Variants in GAP43 observed in about 807,000 individuals in gnomAD.
GAP43 encodes neuromodulin.
GAP43 carries 6 observed loss-of-function variants against 18.6 expected under a neutral mutation model. The ratio of observed to expected loss-of-function variants is 0.32; its 90% CI spans 0.18 to 0.64. The LOEUF is 0.64. Among genes scored for constraint, GAP43 ranks in the 30% least tolerant of loss-of-function variants. GAP43 has a pLI of 0.78. For synonymous variants in GAP43, 115 were observed against 111.4 expected (o/e 1.03, Z -0.20); for missense variants, 292 against 295.5 (o/e 0.99, Z 0.09).
chr3:115,655,180 G>T (rs1172682183), intron 1 of GAP43, among the ~76,000 whole-genome samples: 1 of 152,178 alleles, frequency 6.6e-6, no homozygotes, highest in Non-Finnish European at 1.5e-5. Flanking sequence ...AGGCCAGGTT[G>T]CATCAAGGTG....
At chr3:115,679,758 G>A (rs182388245) in intron 2 of GAP43, among the ~76,000 whole-genome samples, 1 of 152,260 alleles carries the variant, frequency 6.6e-6, no homozygotes, top group East Asian at 1.9e-4. Flanking sequence ...ATTCAGTGAT[G>A]TGGTACAACC....
chr3:115,679,021 C>A (rs1229719363), intron 2 of GAP43, among the ~76,000 whole-genome samples: 2 of 151,790 alleles, frequency 1.3e-5, no homozygotes, highest in Non-Finnish European at 2.9e-5. Context: ...TTCCCAGGTG[C>A]CCTGTACTGC....
At chr3:115,667,523 A>G (rs1708748812) in intron 1 of GAP43, among the ~76,000 whole-genome samples, 1 of 152,242 alleles carries the variant, frequency 6.6e-6, no homozygotes, top group Admixed American at 6.5e-5. Context: ...ATCTTATTGC[A>G]TCTCACATTT....
At chr3:115,634,797 TA>T (rs1344556094) in intron 1 of GAP43, among the ~76,000 whole-genome samples, 3 of 151,572 alleles carry the variant, frequency 2.0e-5, no homozygotes, top group African/African-American at 7.3e-5. Flanking sequence ...AAATAAATAA[TA>T]AAAATTCCCC....
intron 1 of GAP43, chr3:115,663,903 T>C (rs1485664098): frequency 1.3e-6 from 2 of 1,551,946 alleles, no homozygotes; most frequent in African/African-American, 2.7e-5. Flanking sequence ...TTCTTGACTT[T>C]CTGGATTTCA....
chr3:115,637,404 C>T (rs1708343246), intron 1 of GAP43, among the ~76,000 whole-genome samples: 1 of 152,046 alleles, frequency 6.6e-6, no homozygotes, highest in Non-Finnish European at 1.5e-5. Context: ...TGCATTACCT[C>T]TCTGGGACAT....
intron 1 of GAP43, among the ~76,000 whole-genome samples, chr3:115,659,529 T>G (rs1708629992): frequency 6.6e-6 from 1 of 151,932 alleles, no homozygotes; most frequent in African/African-American, 2.4e-5. Flanking sequence ...TGAATGAACA[T>G]TAAACACTAC....
chr3:115,696,321 CT>C (rs569741183), intron 2 of GAP43, among the ~76,000 whole-genome samples: 2 of 152,090 alleles, frequency 1.3e-5, no homozygotes, highest in East Asian at 1.9e-4. Flanking sequence ...AAAATTATTC[CT>C]TTTTTTCTTT....
intron 2 of GAP43, among the ~76,000 whole-genome samples, chr3:115,683,545 C>T (rs909265428): frequency 6.6e-6 from 1 of 152,204 alleles, no homozygotes; most frequent in Admixed American, 6.5e-5. Context: ...GGATGGAAAA[C>T]TATAGCTATA....
chr3:115,657,150 G>T (rs191051484), intron 1 of GAP43, among the ~76,000 whole-genome samples: 2 of 152,234 alleles, frequency 1.3e-5, no homozygotes, highest in African/African-American at 4.8e-5. Context: ...GGCAAAGGTT[G>T]GAAGAAACAT....
intron 2 of GAP43, among the ~76,000 whole-genome samples, chr3:115,698,079 ATAAAATATG>A (rs1709226829): frequency 1.3e-5 from 1 of 77,178 alleles, no homozygotes; most frequent in East Asian, 4.4e-4. Context: ...TATATAATAT[ATAAAATATG>A]TATTATATAT....
intron 2 of GAP43, among the ~76,000 whole-genome samples, chr3:115,698,275 AT>A (rs1709245931): frequency 1.2e-4 from 1 of 8,440 alleles, no homozygotes; most frequent in African/African-American, 3.7e-4. Flanking sequence ...AATATATATT[AT>A]ATATAAATAT....
chr3:115,718,912 T>C lies in GAP43; in HGVS notation c.629-1882T>C, dbSNP rs149960385. Reference sequence around the variant, plus strand: ...GTATAAATGTTCAGCTTCATCTGAATGTAAATATGTAGCTGGCTGATTTAA... The same window carrying C: ...GTATAAATGTTCAGCTTCATCTGAACGTAAATATGTAGCTGGCTGATTTAA... On this transcript the variant is annotated intron_variant, in intron 2 of 2. Transcript: ENST00000305124. 3.1e-3 allele frequency among the ~76,000 whole-genome samples: 476 copies of C among 152,340 alleles called. 1 individual carries two copies. The highest frequency in any genetic ancestry group is 9.7e-3 in the African/African-American group (403 of 41,582).
At chr3:115,706,298 C>T (rs731653) in intron 2 of GAP43, among the ~76,000 whole-genome samples, 1 of 151,946 alleles carries the variant, frequency 6.6e-6, no homozygotes, top group East Asian at 1.9e-4. Context: ...TATGATTAAA[C>T]AAGGGAATTT....
intron 2 of GAP43, among the ~76,000 whole-genome samples, chr3:115,680,072 C>A (rs991799521): frequency 6.6e-6 from 1 of 152,186 alleles, no homozygotes; most frequent in Non-Finnish European, 1.5e-5. Flanking sequence ...CCTTCCCATT[C>A]TGTCTCCTTC....
chr3:115,696,217 C>G (rs1559803572), intron 2 of GAP43, among the ~76,000 whole-genome samples: 3 of 152,124 alleles, frequency 2.0e-5, no homozygotes. Context: ...AACCAAACTT[C>G]TGTCTTTTTT....
intron 1 of GAP43, among the ~76,000 whole-genome samples, chr3:115,673,335 GAT>G (rs1231364132): frequency 6.6e-6 from 1 of 152,074 alleles, no homozygotes; most frequent in East Asian, 1.9e-4. Flanking sequence ...TTCTCTTTGT[GAT>G]TTCCAGCTTT....
chr3:115,660,654 C>T (rs1708646752), intron 1 of GAP43, among the ~76,000 whole-genome samples: 1 of 152,212 alleles, frequency 6.6e-6, no homozygotes, highest in African/African-American at 2.4e-5. Flanking sequence ...GTAGATTTCT[C>T]AGAACGGGTG....
intron 1 of GAP43, among the ~76,000 whole-genome samples, chr3:115,675,320 T>C (rs1445828997): frequency 1.3e-5 from 2 of 152,144 alleles, no homozygotes; most frequent in African/African-American, 2.4e-5. Flanking sequence ...GCCTCCTGCC[T>C]TCACTTCTCA....
Sources: gnomAD v4.1 joint callset for allele counts (sites outside exome capture counted in the v4.1 genomes callset) on GRCh38, gnomAD v4.1.1 for gene constraint, MANE v1.5 for transcripts, NCBI Gene and HGNC (gene_info 2026-07-23, HGNC 2026-07-21) for gene names.